Variants in SCFD1 observed in about 807,000 individuals in gnomAD.
SCFD1 encodes the protein sec1 family domain-containing protein 1.
In SCFD1, 37 loss-of-function variants were observed where a neutral mutation model predicts 103.2. The ratio of observed to expected loss-of-function variants is 0.36; its 90% CI spans 0.28 to 0.47. SCFD1 has a LOEUF of 0.47. SCFD1 is among the 20% of genes least tolerant of loss of function. The pLI is 1.00. For synonymous variants in SCFD1, 264 were observed against 245.0 expected, an observed-to-expected ratio of 1.08 and a Z score of -0.73; for missense variants, 639 against 761.2, an observed-to-expected ratio of 0.84 and a Z score of 1.89.
intron 1 of SCFD1, among the ~76,000 whole-genome samples, chr14:30,625,447 A>T (rs1382444849): frequency 2.6e-5 from 4 of 152,236 alleles, no homozygotes; most frequent in African/African-American, 7.2e-5. Context: ...TGGGATGCTC[A>T]ACCTGTAGTA....
chr14:30,638,988 T>A (rs1216589626), intron 5 of SCFD1, among the ~76,000 whole-genome samples: 2 of 152,198 alleles, frequency 1.3e-5, no homozygotes, highest in Non-Finnish European at 2.9e-5. Flanking sequence ...TTCTGATTAG[T>A]TTTTGAGGCT....
At chr14:30,726,862 A>G (rs904095961) in intron 23 of SCFD1, among the ~76,000 whole-genome samples, 6 of 152,206 alleles carry the variant, frequency 3.9e-5, no homozygotes, top group Non-Finnish European at 7.3e-5. Flanking sequence ...CGGGCTTACC[A>G]TAGGACTCAT....
chr14:30,722,555 T>G lies in SCFD1; in HGVS notation c.1832T>G (p.Ile611Arg), dbSNP rs1407422360. ...GAATATCAGAATCTTGTTGACTACATAAAGGTACATTTTATTTAGCCTTTT... is the reference window on the plus strand; with the variant it reads ...GAATATCAGAATCTTGTTGACTACAGAAAGGTACATTTTATTTAGCCTTTT... ...YIEYQNLVDYIKGKQGKHILY... is the reference protein window; with the variant it reads ...YIEYQNLVDYRKGKQGKHILY... Residue 611 changes from isoleucine (I) to arginine (R), a missense_variant, in exon 23 of 25, where the codon ATA becomes AGA. By Grantham distance (97) the Ile-to-Arg change is moderately conservative (BLOSUM62 -3). Coordinates refer to ENST00000458591, the MANE Select transcript of SCFD1 (RefSeq NM_016106.4). The G allele has an allele frequency of 2.5e-6, 4 of 1,593,870 alleles. No homozygotes were observed. Among genetic ancestry groups the G allele is most frequent in the Non-Finnish European group, 2.6e-6 (3 of 1,167,312 alleles).
intron 23 of SCFD1, among the ~76,000 whole-genome samples, chr14:30,729,430 T>C (rs559992277): frequency 2.6e-4 from 39 of 152,336 alleles, no homozygotes; most frequent in Admixed American, 2.4e-3. Flanking sequence ...GTTGTTCCAC[T>C]GCCATCTGTT....
At chr14:30,626,487 A>G (rs1303000015) in intron 1 of SCFD1, among the ~76,000 whole-genome samples, 3 of 152,206 alleles carry the variant, frequency 2.0e-5, no homozygotes, top group African/African-American at 4.8e-5. Flanking sequence ...TAGGCCATGC[A>G]GTGGATCAAG....
At chr14:30,652,821 A>G (rs141678973) in intron 9 of SCFD1, among the ~76,000 whole-genome samples, 7 of 152,140 alleles carry the variant, frequency 4.6e-5, no homozygotes, top group South Asian at 2.1e-4. Context: ...AGCCTGGGCA[A>G]TGTGGTTAGT....
chr14:30,682,483 GTA>G (rs755143496), intron 14 of SCFD1, among the ~76,000 whole-genome samples: 4 of 152,124 alleles, frequency 2.6e-5, no homozygotes, highest in South Asian at 2.1e-4. Context: ...AAACCCACCG[GTA>G]TGAATTGCAA....
At chr14:30,701,085 A>G (rs902568255) in intron 16 of SCFD1, among the ~76,000 whole-genome samples, 2 of 152,210 alleles carry the variant, frequency 1.3e-5, no homozygotes, top group Non-Finnish European at 2.9e-5. Context: ...GACATTTAGA[A>G]TGTGGCTGTT....
At chr14:30,643,816 A>G (rs555230246) in intron 7 of SCFD1, 1 of 376,608 alleles carries the variant, frequency 2.7e-6, no homozygotes, top group Non-Finnish European at 5.2e-6. Context: ...TGTATGTAAT[A>G]CTAATCTACC....
At chr14:30,690,865 C>T (rs1232861909) in intron 14 of SCFD1, among the ~76,000 whole-genome samples, 3 of 152,276 alleles carry the variant, frequency 2.0e-5, no homozygotes, top group Admixed American at 1.3e-4. Flanking sequence ...ATTGAAGCTA[C>T]TGAAGAATCT....
At chr14:30,624,078 C>G (rs890417477) in intron 1 of SCFD1, among the ~76,000 whole-genome samples, 1 of 152,152 alleles carries the variant, frequency 6.6e-6, no homozygotes, top group African/African-American at 2.4e-5. Flanking sequence ...GTGCCTGTTT[C>G]TTGCTTTGCC....
intron 10 of SCFD1, among the ~76,000 whole-genome samples, chr14:30,668,834 A>G (rs1888268248): frequency 6.6e-6 from 1 of 152,248 alleles, no homozygotes; most frequent in Non-Finnish European, 1.5e-5. Flanking sequence ...AGAAATGCAA[A>G]TGAAAACCAC....
chr14:30,623,008 A>G (rs1343385997), intron 1 of SCFD1, among the ~76,000 whole-genome samples: 1 of 152,234 alleles, frequency 6.6e-6, no homozygotes, highest in Non-Finnish European at 1.5e-5. Flanking sequence ...TCTTCAATAG[A>G]GCATGTTTAT....
intron 6 of SCFD1, among the ~76,000 whole-genome samples, chr14:30,641,460 G>T (rs1174167935): frequency 6.6e-6 from 1 of 152,034 alleles, no homozygotes; most frequent in Middle Eastern, 3.2e-3. Context: ...AGGACTCAAG[G>T]GCTGGATGCT....
In SCFD1 at chr14:30,715,950, C is replaced by A; in HGVS notation, c.1656C>A (p.Asp552Glu). 6.4e-7 allele frequency: 1 copy of A among 1,565,108 alleles called. No individual in the cohort carries two copies. Among genetic ancestry groups the A allele is most frequent in the Non-Finnish European group, 8.7e-7 (1 of 1,150,086 alleles). ...QQNLPVTRIL[D>E]NLMEMKSNPE... ...ATCTACCTGTTACTCGTATTTTGGA[C>A]AATCTTATGGAGATGAAGTCAAACC... Residue 552 changes from aspartate (D) to glutamate (E), a missense_variant, in exon 20 of 25, where the codon GAC becomes GAA. Asp to Glu is a conservative substitution (Grantham distance 45). Coordinates refer to ENST00000458591, the MANE Select transcript of SCFD1 (RefSeq NM_016106.4).
At chr14:30,730,318 T>C (rs934910595) in intron 23 of SCFD1, among the ~76,000 whole-genome samples, 1 of 151,690 alleles carries the variant, frequency 6.6e-6, no homozygotes, top group South Asian at 2.1e-4. Context: ...GCAATAAACA[T>C]ACCTGTGCAT....
At chr14:30,699,896 C>G (rs1288986545) in intron 15 of SCFD1, among the ~76,000 whole-genome samples, 1 of 152,160 alleles carries the variant, frequency 6.6e-6, no homozygotes, top group African/African-American at 2.4e-5. Context: ...ATATCCTTTC[C>G]TTTCATTGTG....
At chr14:30,693,933 C>A (rs1890500042) in intron 14 of SCFD1, among the ~76,000 whole-genome samples, 1 of 152,010 alleles carries the variant, frequency 6.6e-6, no homozygotes, top group Admixed American at 6.6e-5. Flanking sequence ...AATATGTTAA[C>A]TTTATTTGGA....
chr14:30,703,959 ATAT>A (rs1566646022), intron 17 of SCFD1, among the ~76,000 whole-genome samples: 9 of 49,624 alleles, frequency 1.8e-4, no homozygotes, highest in African/African-American at 1.8e-3. Context: ...ATATATATAT[ATAT>A]AAATAATGAG....
Sources: allele counts gnomAD v4.1 joint callset (sites outside exome capture counted in the v4.1 genomes callset), GRCh38; gene constraint gnomAD v4.1.1; transcripts MANE v1.5; gene names NCBI Gene and HGNC (gene_info 2026-07-23, HGNC 2026-07-21).